The following ATP2C2 variants were observed in gnomAD, a reference collection of about 807,000 sequenced individuals.
ATP2C2 encodes the protein calcium-transporting ATPase type 2C member 2.
A neutral mutation model predicts 110.8 loss-of-function variants in ATP2C2; 171 were observed. The ratio of observed to expected loss-of-function variants is 1.54; its 90% confidence interval spans 1.36 to 1.75. The LOEUF is 1.75. Among genes scored for constraint, ATP2C2 ranks in the 40% most tolerant of loss-of-function variants. The probability of loss-of-function intolerance (pLI) is 0.00; values close to 1 mark genes in which losing one functional copy is unlikely to be tolerated. For missense variants in ATP2C2, 1,963 were observed against 1,235.0 expected (o/e 1.59, Z -8.84); for synonymous variants, 804 against 508.4 (o/e 1.58, Z -7.82).
intron 1 of ATP2C2, among the ~76,000 whole-genome samples, chr16:84,369,380 G>C (rs953887054): frequency 7.1e-6 from 1 of 141,004 alleles, no homozygotes; most frequent in Non-Finnish European, 1.5e-5. Flanking sequence ...GGTGAAGCCA[G>C]GCTTGAGGGT....
chr16:84,453,391 C>A lies in ATP2C2; in HGVS notation c.1980+20C>A. 1 of 1,614,042 alleles carries A rather than the reference C, an allele frequency of 6.2e-7. No individual in the cohort carries two copies. The highest frequency in any genetic ancestry group is 2.2e-5 in the East Asian group (1 of 44,886). On this transcript the variant is annotated intron_variant, in intron 20 of 26. Coordinates refer to ENST00000262429, the MANE Select transcript of ATP2C2 (RefSeq NM_014861.4). ...ATCAAGGTTCGCTGGGCAAGGCAGG[C>A]ACAGGCTGCGCTGCTGGGGCCGGGC...
chr16:84,439,285 CT>C lies in ATP2C2; in HGVS notation c.1109del (p.Leu370Ter). On this transcript the variant is annotated frameshift_variant, in exon 12 of 27. Coordinates refer to ENST00000262429, the MANE Select transcript of ATP2C2 (RefSeq NM_014861.4). LOFTEE classifies it high-confidence loss of function. ...GTGAAGAAGTTACCCATCGTGGAGA[CT>C]TTAGGTGAGGGACTCCAGCTGGTGG... ...VIVKKLPIVE[T>X]LGCCSVLCSD... is the part of the protein sequence containing the mutation. 6.2e-7 allele frequency: 1 copy of C among 1,613,010 alleles called. No homozygotes were observed.
At chr16:84,424,210 C>T (rs1336830309) in intron 10 of ATP2C2, among the ~76,000 whole-genome samples, 2 of 152,142 alleles carry the variant, frequency 1.3e-5, no homozygotes, top group Non-Finnish European at 2.9e-5. Context: ...TATGTAAGCC[C>T]ATGTTTCTTA....
intron 3 of ATP2C2, among the ~76,000 whole-genome samples, chr16:84,407,733 A>ATTACAGTGTG (rs1905902801): frequency 2.6e-5 from 4 of 152,046 alleles, no homozygotes; most frequent in Admixed American, 2.6e-4. Context: ...CTGCCTCCCA[A>ATTACAGTGTG]AGGGCTGGGA....
chr16:84,418,891 C>T (rs79927873), intron 7 of ATP2C2, among the ~76,000 whole-genome samples: 13 of 152,122 alleles, frequency 8.5e-5, no homozygotes, highest in African/African-American at 2.7e-4. Flanking sequence ...AAATTGAAAT[C>T]GTTTTCACTG....
intron 11 of ATP2C2, among the ~76,000 whole-genome samples, chr16:84,433,415 A>G (rs114121571): frequency 0.33 from 50,538 of 151,502 alleles, 8,940 homozygotes; most frequent in African/African-American, 0.45. Flanking sequence ...CCAAAAAACC[A>G]AAAAAATCTC....
rs1264679522 is a variant in ATP2C2, at chr16:84,408,447, G to C, written c.370G>C (p.Val124Leu). The C allele has an allele frequency of 6.2e-7, 1 of 1,613,860 alleles. No individual in the cohort carries two copies. The highest frequency in any genetic ancestry group is 1.3e-5 in the African/African-American group (1 of 74,982). Residue 124 changes from valine (V) to leucine (L), a missense_variant, in exon 4 of 27, where the codon GTG becomes CTG. Transcript: ENST00000262429. Reference sequence around the variant, plus strand: ...CCTGCTGCTGCTGGGCTCTGCCCTGGTGAGTGTCCTCACCAAGGAGTATGA... The same window carrying C: ...CCTGCTGCTGCTGGGCTCTGCCCTGCTGAGTGTCCTCACCAAGGAGTATGA... ...LILLLLGSAL[V>L]SVLTKEYEDA...
At chr16:84,447,346 C>A (rs1023274776) in intron 16 of ATP2C2, among the ~76,000 whole-genome samples, 26 of 152,136 alleles carry the variant, frequency 1.7e-4, no homozygotes, top group African/African-American at 6.3e-4. Context: ...CCTTGCAAGG[C>A]AATGGTAATA....
intron 2 of ATP2C2, chr16:84,404,807 A>G (rs1247589068): frequency 3.1e-6 from 1 of 326,328 alleles, no homozygotes; most frequent in South Asian, 2.2e-5. Context: ...CATTCCCAAG[A>G]CCTTTTTTTT....
chr16:84,446,223 T>C (rs930440990), intron 15 of ATP2C2, 106 bp from the exon 16 acceptor site: 3 of 542,652 alleles, frequency 5.5e-6, no homozygotes, highest in Non-Finnish European at 9.0e-6. Flanking sequence ...TTGGATTTCT[T>C]ATCTGCCAGA....
intron 1 of ATP2C2, 33 bp downstream of exon 1, chr16:84,368,747 A>T (rs940002784): frequency 3.4e-6 from 5 of 1,463,774 alleles, no homozygotes; most frequent in Non-Finnish European, 4.6e-6. Flanking sequence ...CGGGCGTGCG[A>T]CCCGACCCCC....
chr16:84,459,273 C>T lies in ATP2C2; in HGVS notation c.2220C>T (p.Ser740=), dbSNP rs762966248. 25 of 1,614,092 alleles carry T rather than the reference C, an allele frequency of 1.5e-5. No homozygotes were observed. The East Asian group carries it at 5.1e-4, about 33-fold the overall frequency. The change falls in exon 23 of 27, where the codon AGC becomes AGT. Residue 740 remains serine (S), a synonymous_variant. Transcript: ENST00000262429. ...KNFVRFQLST[S]ISALSLITLS... is the part of the protein sequence containing the mutation. ...ACTGGCTGCGTGTGCCCCGCAGGAG[C>T]ATCTCCGCCCTGAGTCTCATCACTC...
chr16:84,394,604 C>G (rs915207964), intron 1 of ATP2C2, among the ~76,000 whole-genome samples: 4 of 152,056 alleles, frequency 2.6e-5, no homozygotes, highest in African/African-American at 9.7e-5. Context: ...AGCCAGAAGT[C>G]AAAACTCAAG....
intron 9 of ATP2C2, 92 bp downstream of exon 9, chr16:84,422,789 A>C: frequency 7.7e-7 from 1 of 1,296,636 alleles, no homozygotes; most frequent in Non-Finnish European, 1.1e-6. Flanking sequence ...CTCCTTAGGA[A>C]TGAGTGGCAT....
rs967355218 is a variant in ATP2C2, at chr16:84,368,798, G to C, written c.99+84G>C. 4 of 1,203,066 alleles carry C rather than the reference G, an allele frequency of 3.3e-6. No individual in the cohort carries two copies. The African/African-American group carries it at 5.0e-5, about 15-fold the overall frequency. 74.5% of individuals were successfully genotyped at this position (1,203,066 alleles called of 1,614,324 possible). A position where few individuals can be genotyped will look rare whatever the true frequency, so the allele number is the denominator to read the frequency against. On this transcript the variant is annotated intron_variant, in intron 1 of 26. Coordinates refer to ENST00000262429, the MANE Select transcript of ATP2C2 (RefSeq NM_014861.4). ...AACCGTCCCCGGCCCGAGACCCCGC[G>C]TTCGCGCTGCGATCCGCGAACTCGC... is the stretch of plus-strand genomic sequence containing the variant.
At chr16:84,432,605 C>A (rs1217720293) in intron 11 of ATP2C2, among the ~76,000 whole-genome samples, 2 of 152,086 alleles carry the variant, frequency 1.3e-5, no homozygotes, top group Non-Finnish European at 2.9e-5. Context: ...ACTGCCACCT[C>A]CATCTCCTGG....
intron 7 of ATP2C2, among the ~76,000 whole-genome samples, chr16:84,421,271 G>T (rs1213507463): frequency 6.6e-6 from 1 of 152,236 alleles, no homozygotes; most frequent in African/African-American, 2.4e-5. Flanking sequence ...CGCAGCCGGA[G>T]GCCTCGCCTC....
chr16:84,414,941 C>T (rs904966747), intron 6 of ATP2C2, among the ~76,000 whole-genome samples: 2 of 152,090 alleles, frequency 1.3e-5, no homozygotes, highest in African/African-American at 2.4e-5. Flanking sequence ...GGGGCCAGGT[C>T]GGAGGTCAGA....
rs1238376182 is a variant in ATP2C2, at chr16:84,422,697, G to C, written c.843G>C (p.Glu281Asp). The change falls in exon 9 of 27, where the codon GAG becomes GAC. Residue 281 changes from glutamate (E) to aspartate (D), a missense_variant and splice_region_variant. Glu to Asp is a conservative substitution (Grantham distance 45). Coordinates refer to ENST00000262429, the MANE Select transcript of ATP2C2 (RefSeq NM_014861.4). ...GEVFKMMQAE[E>D]TPKTPLQKSM... ...TGTTTAAGATGATGCAGGCTGAAGA[G>C]GTAAGGGGCAGGAGGGGGCTTCGGG... 3.1e-6 allele frequency: 5 copies of C among 1,610,404 alleles called. No individual in the cohort carries two copies. In the African/African-American group the frequency reaches 5.4e-5, roughly 17 times the overall value.
Sources: allele counts gnomAD v4.1 joint callset (sites outside exome capture counted in the v4.1 genomes callset), GRCh38; gene constraint gnomAD v4.1.1; transcripts MANE v1.5; gene names NCBI Gene and HGNC (gene_info 2026-07-23, HGNC 2026-07-21).